Variants in OCA2 observed in about 807,000 individuals in gnomAD.
OCA2 encodes P protein.
In OCA2, 77 loss-of-function variants were observed where a neutral mutation model predicts 100.2. That is an observed-to-expected ratio of 0.77 (90% CI 0.64 to 0.93). The LOEUF (loss-of-function observed/expected upper bound fraction) is 0.93. Ranked by LOEUF, OCA2 falls within the 40% of genes least tolerant of loss-of-function variation. OCA2 has a pLI of 0.00. For synonymous variants in OCA2, 432 were observed against 439.2 expected (o/e 0.98, Z 0.21); for missense variants, 1,062 against 1,089.1 (o/e 0.98, Z 0.35).
chr15:28,014,281 T>TCA (rs1386128014), intron 9 of OCA2, among the ~76,000 whole-genome samples: 1 of 152,150 alleles, frequency 6.6e-6, no homozygotes, highest in Non-Finnish European at 1.5e-5. Flanking sequence ...GGACTTAAGA[T>TCA]CACATGTGGA....
Position 28,011,680 on chromosome 15 carries a change from C to G in OCA2, c.1044+3096G>C, listed in dbSNP as rs367592099. Among the ~76,000 whole-genome samples, 5 of 150,022 alleles carry G rather than the reference C, an allele frequency of 3.3e-5. No homozygotes were observed. In the South Asian group the frequency reaches 6.4e-4, roughly 19 times the overall value. ...ACTGTAATCCCAGAACTTTGGGAGGCTGAAGTGGGTGGATCACTTGAGGTC... is the reference window on the plus strand; with the variant it reads ...ACTGTAATCCCAGAACTTTGGGAGGGTGAAGTGGGTGGATCACTTGAGGTC... On this transcript the variant is annotated intron_variant, in intron 9 of 23. Transcript: ENST00000354638.
chr15:28,082,512 C>G (rs1595929080), intron 1 of OCA2, among the ~76,000 whole-genome samples: 1 of 152,274 alleles, frequency 6.6e-6, no homozygotes, highest in Middle Eastern at 3.4e-3. Flanking sequence ...TGTTCAGCAA[C>G]AGAGAGCTAG....
chr15:27,894,108 T>C, intron 19 of OCA2, among the ~76,000 whole-genome samples: 1 of 152,218 alleles, frequency 6.6e-6, no homozygotes, highest in East Asian at 1.9e-4. Flanking sequence ...TTCCTCTCTT[T>C]GTACTGTCTC....
At chr15:27,776,974 T>TGGG (rs368182175) in intron 23 of OCA2, among the ~76,000 whole-genome samples, 2 of 43,148 alleles carry the variant, frequency 4.6e-5, no homozygotes, top group African/African-American at 5.8e-5. Flanking sequence ...GAGCGTGAGG[T>TGGG]GGGGGGGGGT....
intron 9 of OCA2, among the ~76,000 whole-genome samples, chr15:27,998,159 T>C (rs35889682): frequency 0.6 from 70,560 of 117,312 alleles, 23,800 homozygotes; most frequent in Non-Finnish European, 0.78. Flanking sequence ...ATGTCTAAAA[T>C]ACCAAAAACA....
At chr15:28,055,692 G>C (rs758274202) in intron 2 of OCA2, among the ~76,000 whole-genome samples, 1 of 152,194 alleles carries the variant, frequency 6.6e-6, no homozygotes, top group Non-Finnish European at 1.5e-5. Context: ...GGCCAGCGGG[G>C]AGCCAAGCCC....
intron 18 of OCA2, among the ~76,000 whole-genome samples, chr15:27,938,914 G>T (rs1375168): frequency 0.21 from 31,632 of 152,052 alleles, 3,816 homozygotes; most frequent in South Asian, 0.37. Flanking sequence ...TCATGGAGAA[G>T]ACAGCTCACA....
rs562542485 is a variant in OCA2, at chr15:27,843,395, T to G, written c.2432+1564A>C. On this transcript the variant is annotated intron_variant, in intron 23 of 23. Transcript: ENST00000354638. ...ACCCTCACTGACCATAGGGCAAAGA[T>G]GAGAAGATGGCAGTGTGTGGTAGGC... Among the ~76,000 whole-genome samples the G allele has an allele frequency of 3.9e-5, 6 of 152,296 alleles. 1 individual carries two copies. Among genetic ancestry groups the G allele is most frequent in the African/African-American group, 1.2e-4 (5 of 41,576 alleles).
chr15:27,786,054 A>C (rs2032799288), intron 23 of OCA2, among the ~76,000 whole-genome samples: 1 of 152,228 alleles, frequency 6.6e-6, no homozygotes, highest in Non-Finnish European at 1.5e-5. Context: ...ATAAATACAG[A>C]TATACATCTA....
chr15:28,007,191 G>A (rs1027384927), intron 9 of OCA2, among the ~76,000 whole-genome samples: 9 of 152,140 alleles, frequency 5.9e-5, no homozygotes, highest in African/African-American at 2.2e-4. Flanking sequence ...ATAATACCAG[G>A]GGTTGGATGG....
At chr15:27,823,068 A>C (rs1359153574) in intron 23 of OCA2, among the ~76,000 whole-genome samples, 1 of 152,246 alleles carries the variant, frequency 6.6e-6, no homozygotes, top group African/African-American at 2.4e-5. Context: ...ATTTTCTTTC[A>C]CATGGGTGCC....
In OCA2 at chr15:27,878,630, G is replaced by C. The variant is rs552414651; in HGVS notation, c.2080-6708C>G. On this transcript the variant is annotated intron_variant, in intron 19 of 23. Coordinates refer to ENST00000354638, the MANE Select transcript of OCA2 (RefSeq NM_000275.3). Reference sequence around the variant, plus strand: ...GTATCACTCTTCTCTCACTGTTTTTGAGACATTTTCCTTATTTTTAGTTTT... The same window carrying C: ...GTATCACTCTTCTCTCACTGTTTTTCAGACATTTTCCTTATTTTTAGTTTT... Among the ~76,000 whole-genome samples, 4 of 152,146 alleles carry C rather than the reference G, an allele frequency of 2.6e-5. No homozygotes were observed. In the East Asian group the frequency reaches 7.7e-4, roughly 29 times the overall value.
At chr15:27,770,877 CCTTTGCT>C in intron 23 of OCA2, among the ~76,000 whole-genome samples, 1 of 138,748 alleles carries the variant, frequency 7.2e-6, no homozygotes, top group African/African-American at 3.0e-5. Context: ...TTCCCTCCTT[CCTTTGCT>C]CCTTCCCATC....
intron 18 of OCA2, among the ~76,000 whole-genome samples, chr15:27,939,993 G>A (rs995956271): frequency 6.6e-6 from 1 of 152,202 alleles, no homozygotes; most frequent in Admixed American, 6.5e-5. Flanking sequence ...GGAGCCTGGA[G>A]AGGCGGGCCA....
At chr15:27,776,957 C>T (rs1200318879) in intron 23 of OCA2, among the ~76,000 whole-genome samples, 2 of 42,216 alleles carry the variant, frequency 4.7e-5, no homozygotes, top group African/African-American at 1.1e-4. Context: ...GCAAGTGTGG[C>T]GGCGGGGAGC....
intron 14 of OCA2, among the ~76,000 whole-genome samples, chr15:27,972,703 T>C (rs1346282157): frequency 6.6e-6 from 1 of 152,050 alleles, no homozygotes; most frequent in Admixed American, 6.5e-5. Flanking sequence ...TGGGATTATT[T>C]TTTTTTTCTT....
intron 18 of OCA2, among the ~76,000 whole-genome samples, chr15:27,926,777 T>A (rs1197589877): frequency 6.6e-6 from 1 of 151,890 alleles, no homozygotes; most frequent in Non-Finnish European, 1.5e-5. Context: ...CACACCCAGT[T>A]AACTTTTTCT....
chr15:27,734,308 A>T, the OCA2 span, among the ~76,000 whole-genome samples: 2 of 149,188 alleles, frequency 1.3e-5, no homozygotes, highest in African/African-American at 5.0e-5. Flanking sequence ...AAAAAAAAAA[A>T]TGAGAGATCA....
At chr15:27,838,618 T>A (rs1458629001) in intron 23 of OCA2, among the ~76,000 whole-genome samples, 1 of 152,152 alleles carries the variant, frequency 6.6e-6, no homozygotes, top group Non-Finnish European at 1.5e-5. Context: ...ACTCTGAAGA[T>A]AAATTTGTAA....
Sources: gnomAD v4.1 joint callset for allele counts (sites outside exome capture counted in the v4.1 genomes callset) on GRCh38, gnomAD v4.1.1 for gene constraint, MANE v1.5 for transcripts, NCBI Gene and HGNC (gene_info 2026-07-23, HGNC 2026-07-21) for gene names.